Variants in ADAMTS3 observed in about 807,000 individuals in gnomAD.
ADAMTS3 encodes ADAM metallopeptidase with thrombospondin type 1 motif 3.
ADAMTS3 carries 73 observed loss-of-function variants against 129.0 expected under a neutral mutation model. The observed-to-expected ratio is 0.57, with a 90% CI of 0.47 to 0.69. The LOEUF (loss-of-function observed/expected upper bound fraction) is 0.69. Ranked by LOEUF, ADAMTS3 falls within the 30% of genes least tolerant of loss-of-function variation. ADAMTS3 has a pLI of 0.00. For missense variants in ADAMTS3, 1,457 were observed against 1,514.5 expected (o/e 0.96, Z 0.63); for synonymous variants, 477 against 510.8 (o/e 0.93, Z 0.89).
At chr4:72,413,381 T>C (rs1722226957) in intron 4 of ADAMTS3, among the ~76,000 whole-genome samples, 1 of 152,048 alleles carries the variant, frequency 6.6e-6, no homozygotes, top group Admixed American at 6.6e-5. Context: ...ATTAGTAATA[T>C]GGAACAACCA....
At chr4:72,536,691 G>A (rs1721192886) in intron 3 of ADAMTS3, among the ~76,000 whole-genome samples, 1 of 152,122 alleles carries the variant, frequency 6.6e-6, no homozygotes, top group South Asian at 2.1e-4. Context: ...TGGAACTAGA[G>A]TCCAAGTTTG....
intron 2 of ADAMTS3, among the ~76,000 whole-genome samples, chr4:72,557,471 A>G (rs545899353): frequency 5.3e-5 from 8 of 151,926 alleles, no homozygotes; most frequent in Non-Finnish European, 1.2e-4. Context: ...TCTTATCACC[A>G]CAAGTCCGAC....
intron 3 of ADAMTS3, among the ~76,000 whole-genome samples, chr4:72,513,129 T>C (rs544471175): frequency 1.3e-5 from 2 of 152,164 alleles, no homozygotes; most frequent in African/African-American, 4.8e-5. Context: ...ACGACTCCCA[T>C]CTCCTGTCTT....
chr4:72,513,698 C>A (rs182543468), intron 3 of ADAMTS3, among the ~76,000 whole-genome samples: 171 of 152,254 alleles, frequency 1.1e-3, no homozygotes, highest in Non-Finnish European at 2.0e-3. Flanking sequence ...ATGCTTAAAT[C>A]TTAAATATTC....
chr4:72,382,833 A>G (rs1357084222), intron 4 of ADAMTS3, among the ~76,000 whole-genome samples: 1 of 152,300 alleles, frequency 6.6e-6, no homozygotes, highest in East Asian at 1.9e-4. Context: ...ATCAATGGGT[A>G]TACATGAATC....
chr4:72,518,409 G>A (rs371679701), intron 3 of ADAMTS3, among the ~76,000 whole-genome samples: 18 of 152,098 alleles, frequency 1.2e-4, no homozygotes, highest in East Asian at 1.9e-4. Flanking sequence ...TTTCTGTCTC[G>A]TAGATCTGTC....
intron 3 of ADAMTS3, among the ~76,000 whole-genome samples, chr4:72,477,748 C>T (rs1719283161): frequency 6.6e-6 from 1 of 151,760 alleles, no homozygotes; most frequent in Non-Finnish European, 1.5e-5. Context: ...TCAATGAATC[C>T]AGGAGCTGGT....
At chr4:72,425,706 G>T (rs575332550) in intron 3 of ADAMTS3, among the ~76,000 whole-genome samples, 1 of 151,824 alleles carries the variant, frequency 6.6e-6, no homozygotes, top group Admixed American at 6.6e-5. Flanking sequence ...GTGTATATGT[G>T]CCACATTTTC....
chr4:72,290,844 C>G lies in ADAMTS3; in HGVS notation c.2931+11G>C, dbSNP rs1718638069. The G allele has an allele frequency of 1.9e-6, 3 of 1,613,150 alleles. No individual in the cohort carries two copies. Among genetic ancestry groups the G allele is most frequent in the Middle Eastern group, 1.7e-4 (1 of 5,958 alleles). On this transcript the variant is annotated intron_variant, in intron 20 of 21. Transcript: ENST00000286657. ...ACTTTACTTATGCATGCACGGAATT[C>G]ACACACCTACCTCACTCCAGGGTCC...
At chr4:72,462,991 C>CA (rs1718813441) in intron 3 of ADAMTS3, among the ~76,000 whole-genome samples, 1 of 151,940 alleles carries the variant, frequency 6.6e-6, no homozygotes, top group Admixed American at 6.6e-5. Flanking sequence ...CTCACTCACT[C>CA]AGAGTCATAC....
rs1162953823 is a variant in ADAMTS3 at position 72,455,912 on chromosome 4, A to G, written c.505-40941T>C. On this transcript the variant is annotated intron_variant, in intron 3 of 21. Transcript: ENST00000286657. ...ATTTTATATATAGTATATACACTGT[A>G]TATATACTATATATATTTTATATAT... is the stretch of plus-strand genomic sequence containing the variant. 3.4e-4 allele frequency among the ~76,000 whole-genome samples: 21 copies of G among 61,852 alleles called. 1 individual carries two copies. In the South Asian group the frequency reaches 4.5e-3, roughly 13 times the overall value. 40.6% of individuals were successfully genotyped at this position (61,852 alleles called of 152,430 possible).
intron 3 of ADAMTS3, among the ~76,000 whole-genome samples, chr4:72,436,262 T>C (rs1479930280): frequency 6.6e-6 from 1 of 152,120 alleles, no homozygotes; most frequent in Non-Finnish European, 1.5e-5. Context: ...AAAATGTTCA[T>C]CATCACTGGC....
chr4:72,561,561 C>A (rs543939594), intron 2 of ADAMTS3, among the ~76,000 whole-genome samples: 1 of 151,742 alleles, frequency 6.6e-6, no homozygotes, highest in African/African-American at 2.4e-5. Flanking sequence ...GGTTCTTACA[C>A]GTAAAGGAAA....
At chr4:72,441,777 T>C (rs956695871) in intron 3 of ADAMTS3, 1 of 149,666 alleles carries the variant, frequency 6.7e-6, no homozygotes, top group East Asian at 2.0e-4. Flanking sequence ...AGCTTAAATA[T>C]TCACAGCCTT....
chr4:72,469,509 G>A (rs1461001544), intron 3 of ADAMTS3, among the ~76,000 whole-genome samples: 4 of 152,090 alleles, frequency 2.6e-5, no homozygotes, highest in African/African-American at 9.7e-5. Context: ...GCATTCATTA[G>A]ACGACTAATA....
intron 3 of ADAMTS3, among the ~76,000 whole-genome samples, chr4:72,471,693 C>G (rs1578710779): frequency 6.6e-6 from 1 of 151,872 alleles, no homozygotes; most frequent in East Asian, 1.9e-4. Context: ...CCATCTTCCT[C>G]TTGAATTTTT....
rs1271499053 is a variant in ADAMTS3, at chr4:72,411,834, C to A, written c.661+2981G>T. The stretch of plus-strand genomic sequence containing the variant: ...GAATTCTGAGTCCTCCTTAAACAAT[C>A]TCTCTCTCTTTCCCCATGCCCTCCA... On this transcript the variant is annotated intron_variant, in intron 4 of 21. Coordinates refer to ENST00000286657, the MANE Select transcript of ADAMTS3 (RefSeq NM_014243.3). Among the ~76,000 whole-genome samples, 9 of 152,160 alleles carry A rather than the reference C, an allele frequency of 5.9e-5. No homozygotes were observed. The South Asian group carries it at 1.9e-3, about 32-fold the overall frequency.
chr4:72,375,449 A>ATTTTCCAT (rs1721112477), intron 4 of ADAMTS3, among the ~76,000 whole-genome samples: 1 of 152,200 alleles, frequency 6.6e-6, no homozygotes, highest in Admixed American at 6.6e-5. Context: ...TGGAAAAGAC[A>ATTTTCCAT]GAGCTTAAAT....
chr4:72,342,381 T>A (rs1471706562), intron 4 of ADAMTS3, among the ~76,000 whole-genome samples: 2 of 86,556 alleles, frequency 2.3e-5, no homozygotes, highest in East Asian at 3.2e-4. Context: ...TTTTTTTTTT[T>A]AAGACAGAGT....
Sources: allele counts gnomAD v4.1 joint callset (sites outside exome capture counted in the v4.1 genomes callset), GRCh38; gene constraint gnomAD v4.1.1; transcripts MANE v1.5; gene names NCBI Gene and HGNC (gene_info 2026-07-23, HGNC 2026-07-21).